CENPW: variants seen among roughly 807,000 people sequenced by gnomAD.
The protein encoded by CENPW is centromere protein W, also known as cancer-up-regulated gene 2 protein.
Under a neutral mutation model 11.1 loss-of-function variants are expected in CENPW, and 3 were observed. The observed-to-expected ratio is 0.27, with a 90% CI of 0.12 to 0.70. CENPW has a LOEUF of 0.70. Among genes scored for constraint, CENPW ranks in the 30% least tolerant of loss-of-function variants. The pLI is 0.77. For synonymous variants in CENPW, 38 were observed against 42.0 expected (o/e 0.91, Z 0.37); for missense variants, 100 against 105.6 (o/e 0.95, Z 0.23).
the CENPW span, among the ~76,000 whole-genome samples, chr6:126,377,573 A>G: frequency 0.43 from 65,340 of 152,012 alleles, 16,394 homozygotes; most frequent in East Asian, 0.97. Flanking sequence ...ATGCCTTGTT[A>G]GATTTTTTAG....
the CENPW span, among the ~76,000 whole-genome samples, chr6:126,400,846 C>G: frequency 2.6e-5 from 4 of 152,018 alleles, no homozygotes; most frequent in Non-Finnish European, 5.9e-5. Flanking sequence ...CTCTTAATCT[C>G]TCTTATTACA....
the CENPW span, among the ~76,000 whole-genome samples, chr6:126,402,550 C>T: frequency 7.3e-6 from 1 of 137,638 alleles, no homozygotes; most frequent in Admixed American, 7.9e-5. Flanking sequence ...AGGCAACCAC[C>T]AATCTAGTTT....
the CENPW span, among the ~76,000 whole-genome samples, chr6:126,407,147 T>C: frequency 6.6e-6 from 1 of 152,160 alleles, no homozygotes; most frequent in African/African-American, 2.4e-5. Flanking sequence ...TGTTTTCTCA[T>C]TGGTCATCTC....
At chr6:126,469,049 C>A in the CENPW span, among the ~76,000 whole-genome samples, 1 of 152,142 alleles carries the variant, frequency 6.6e-6, no homozygotes, top group Non-Finnish European at 1.5e-5. Flanking sequence ...CCACCTCGGT[C>A]CCCCAAAGTG....
chr6:126,425,934 A>G, the CENPW span, among the ~76,000 whole-genome samples: 1 of 151,992 alleles, frequency 6.6e-6, no homozygotes, highest in Non-Finnish European at 1.5e-5. Context: ...CATTTACTGT[A>G]AATACCCAGG....
At chr6:126,427,551 T>A in the CENPW span, among the ~76,000 whole-genome samples, 1 of 152,208 alleles carries the variant, frequency 6.6e-6, no homozygotes, top group South Asian at 2.1e-4. Context: ...TAACCCTCCT[T>A]ACACTACCTC....
At chr6:126,368,591 G>A in the CENPW span, among the ~76,000 whole-genome samples, 4 of 150,672 alleles carry the variant, frequency 2.7e-5, no homozygotes, top group African/African-American at 9.8e-5. Flanking sequence ...CTTTAGTGGT[G>A]ATGTGAGAGA....
the CENPW span, among the ~76,000 whole-genome samples, chr6:126,416,465 CA>C: frequency 6.6e-6 from 1 of 152,166 alleles, no homozygotes; most frequent in Non-Finnish European, 1.5e-5. Context: ...TGTGAATTCT[CA>C]AGACAATGGG....
the CENPW span, among the ~76,000 whole-genome samples, chr6:126,369,032 AC>A: frequency 2.0e-5 from 3 of 152,082 alleles, no homozygotes; most frequent in Non-Finnish European, 2.9e-5. Context: ...GTGAGAACAT[AC>A]AATGTTTGGT....
the CENPW span, among the ~76,000 whole-genome samples, chr6:126,462,639 G>A: frequency 6.0e-5 from 9 of 150,538 alleles, no homozygotes; most frequent in African/African-American, 1.7e-4. Flanking sequence ...GCACTACCAG[G>A]CATAAAATAA....
At chr6:126,341,189 A>G (rs1451825252) in intron 1 of CENPW, among the ~76,000 whole-genome samples, 2 of 152,180 alleles carry the variant, frequency 1.3e-5, no homozygotes, top group Non-Finnish European at 2.9e-5. Flanking sequence ...GAATACCTGG[A>G]ACACATATTC....
At chr6:126,374,628 A>T in the CENPW span, among the ~76,000 whole-genome samples, 1 of 152,300 alleles carries the variant, frequency 6.6e-6, no homozygotes, top group Non-Finnish European at 1.5e-5. Flanking sequence ...GTTACAATAC[A>T]TATCTCCTGT....
chr6:126,404,058 A>G, the CENPW span, among the ~76,000 whole-genome samples: 1 of 152,058 alleles, frequency 6.6e-6, no homozygotes, highest in Admixed American at 6.6e-5. Context: ...TCATAAATGG[A>G]ATAACAAAGC....
chr6:126,469,571 CAG>C, the CENPW span, among the ~76,000 whole-genome samples: 2 of 152,210 alleles, frequency 1.3e-5, no homozygotes, highest in South Asian at 4.2e-4. Context: ...AGGTAATGGG[CAG>C]AGAGTTGGAA....
chr6:126,444,966 T>C, the CENPW span, among the ~76,000 whole-genome samples: 1 of 151,156 alleles, frequency 6.6e-6, no homozygotes, highest in Non-Finnish European at 1.5e-5. Flanking sequence ...TTAGGGATTT[T>C]CCTCCAAGGC....
At chr6:126,474,364 C>A in the CENPW span, among the ~76,000 whole-genome samples, 2 of 152,020 alleles carry the variant, frequency 1.3e-5, no homozygotes, top group African/African-American at 4.8e-5. Context: ...CCCATGTAAA[C>A]CTTGTGGGTT....
At chr6:126,423,014 T>A in the CENPW span, among the ~76,000 whole-genome samples, 1 of 152,164 alleles carries the variant, frequency 6.6e-6, no homozygotes, top group Non-Finnish European at 1.5e-5. Flanking sequence ...TTTTCCCTGA[T>A]AAAGGAAGTG....
chr6:126,463,551 A>T, the CENPW span, among the ~76,000 whole-genome samples: 1 of 152,066 alleles, frequency 6.6e-6, no homozygotes, highest in Non-Finnish European at 1.5e-5. Context: ...AGGTAAATAA[A>T]ATTGATAAAG....
At chr6:126,477,481 C>A in the CENPW span, among the ~76,000 whole-genome samples, 24 of 151,736 alleles carry the variant, frequency 1.6e-4, no homozygotes, top group Non-Finnish European at 1.5e-5. Context: ...TTGAACCAAC[C>A]ATTTTTAAGA....
Sources: gnomAD v4.1 joint callset for allele counts (sites outside exome capture counted in the v4.1 genomes callset) on GRCh38, gnomAD v4.1.1 for gene constraint, MANE v1.5 for transcripts, NCBI Gene and HGNC (gene_info 2026-07-23, HGNC 2026-07-21) for gene names.